Variants in ABCC9 observed in about 807,000 individuals in gnomAD.
The protein encoded by ABCC9 is ATP-binding cassette sub-family C member 9.
In ABCC9, 95 loss-of-function variants were observed where a neutral mutation model predicts 188.3. The observed-to-expected ratio is 0.50, with a 90% CI of 0.43 to 0.60. The LOEUF (loss-of-function observed/expected upper bound fraction) is 0.60. Among genes scored for constraint, ABCC9 ranks in the 20% least tolerant of loss-of-function variants. ABCC9 has a pLI of 0.00. For synonymous variants in ABCC9, 659 were observed against 652.7 expected (o/e 1.01, Z -0.15); for missense variants, 1,102 against 1,876.3 (o/e 0.59, Z 7.62).
rs1944536619 is a variant in ABCC9, at chr12:21,844,540, G to A, written c.3258C>T (p.Thr1086=). Residue 1086 remains threonine, a synonymous_variant, in exon 28 of 40, where the codon ACC becomes ACT. Transcript: ENST00000261200. ...IILGPIRFFD[T]TPLGLILNRF... ...GATTGAGAATCAGTCCCAGGGGTGT[G>A]GTATCAAAAAACCTAGGCAATAAAC... 2 of 1,613,358 alleles carry A rather than the reference G, an allele frequency of 1.2e-6. No individual in the cohort carries two copies. The highest frequency in any genetic ancestry group is 4.5e-5 in the East Asian group (2 of 44,856).
At chr12:21,932,291 A>G (rs12371738) in intron 4 of ABCC9, among the ~76,000 whole-genome samples, 44,002 of 151,864 alleles carry the variant, frequency 0.29, 8,004 homozygotes, top group Non-Finnish European at 0.39. Flanking sequence ...CTTTAAAAAT[A>G]TGGGTTTTTA....
rs190324732 is a variant in ABCC9, at chr12:21,850,324, C to T, written c.2769+1773G>A. ...TTGTACAAAAACTTCCCCAAGGTAT[C>T]GTAGTGGTCTTGTTCACAGTGTGAT... On this transcript the variant is annotated intron_variant, in intron 24 of 39. Transcript: ENST00000261200. 2.2e-3 allele frequency among the ~76,000 whole-genome samples: 338 copies of T among 152,090 alleles called. 2 individuals carry two copies. The highest frequency in any genetic ancestry group is 3.1e-3 in the South Asian group (15 of 4,814).
intron 18 of ABCC9, among the ~76,000 whole-genome samples, chr12:21,870,379 C>T (rs1466880337): frequency 6.6e-6 from 1 of 152,030 alleles, no homozygotes; most frequent in Middle Eastern, 3.2e-3. Flanking sequence ...GCCTCAGTCT[C>T]TCAAGTAACT....
intron 30 of ABCC9, among the ~76,000 whole-genome samples, chr12:21,830,144 C>A (rs1943674591): frequency 6.6e-6 from 1 of 152,090 alleles, no homozygotes; most frequent in African/African-American, 2.4e-5. Context: ...TTCTGTGTAA[C>A]CTATTTTATA....
Position 21,800,961 on chromosome 12 carries a change from CT to C in ABCC9, c.*82del, listed in dbSNP as rs1941398384. 5.2e-6 allele frequency: 8 copies of C among 1,543,100 alleles called. No individual in the cohort carries two copies. The East Asian group carries it at 1.8e-4, about 35-fold the overall frequency. Reference sequence around the variant, plus strand: ...AATCTGTAAAAGTTTTAAGATGCCACTTTACAGAGGTCAAGCTGATGATCCA... The same window carrying C: ...AATCTGTAAAAGTTTTAAGATGCCACTTACAGAGGTCAAGCTGATGATCCA... On this transcript the variant is annotated 3_prime_UTR_variant, in exon 40 of 40. Coordinates refer to ENST00000261200, the MANE Select transcript of ABCC9 (RefSeq NM_020297.4).
At position 21,844,750 on chromosome 12, in the gene ABCC9, A is replaced by T. The variant is rs773398154; in HGVS notation, c.3245+17T>A. ...TATTATTTTATGTGTGGGAGTGAGA[A>T]ATAACCACTGTTTTACCTTATTGGT... On this transcript the variant is annotated intron_variant, in intron 27 of 39. Coordinates refer to ENST00000261200, the MANE Select transcript of ABCC9 (RefSeq NM_020297.4). The T allele has an allele frequency of 6.2e-7, 1 of 1,613,724 alleles. No homozygotes were observed. Among genetic ancestry groups the T allele is most frequent in the Non-Finnish European group, 8.5e-7 (1 of 1,179,668 alleles).
intron 27 of ABCC9, 68 bp from the exon 28 acceptor site, chr12:21,844,620 G>T (rs1944545804): frequency 1.3e-6 from 2 of 1,548,282 alleles, no homozygotes. Context: ...TTGCTAATGG[G>T]CATCTTAGTG....
At chr12:21,883,635 G>A (rs1210100774) in intron 15 of ABCC9, among the ~76,000 whole-genome samples, 1 of 152,062 alleles carries the variant, frequency 6.6e-6, no homozygotes, top group Non-Finnish European at 1.5e-5. Flanking sequence ...TGAATCATGA[G>A]GATTTTTAAT....
At chr12:21,847,185 C>T (rs534691743) in intron 25 of ABCC9, among the ~76,000 whole-genome samples, 4 of 152,072 alleles carry the variant, frequency 2.6e-5, no homozygotes, top group Non-Finnish European at 4.4e-5. Flanking sequence ...CACAGCAAGC[C>T]AAGGGCACAG....
At position 21,799,367 on chromosome 12, in the gene ABCC9, A is replaced by G. The variant is rs1941327321; in HGVS notation, c.*1677T>C. The stretch of plus-strand genomic sequence containing the variant: ...GGCAATATGCATATTCTGCCCTACA[A>G]AATATTTAAACACCATTTTAGGAGA... On this transcript the variant is annotated 3_prime_UTR_variant, in exon 40 of 40. Transcript: ENST00000261200. 6.6e-6 allele frequency: 1 copy of G among 152,178 alleles called. No homozygotes were observed. The highest frequency in any genetic ancestry group is 6.5e-5 in the Admixed American group (1 of 15,278). The allele number at this position is 152,178 out of a possible 1,614,324, so 9.4% of individuals were successfully genotyped here. A position where few individuals can be genotyped will look rare whatever the true frequency, so the allele number is the denominator to read the frequency against.
chr12:21,863,846 TA>T (rs1332203165), intron 19 of ABCC9, among the ~76,000 whole-genome samples: 1 of 152,090 alleles, frequency 6.6e-6, no homozygotes, highest in Admixed American at 6.6e-5. Flanking sequence ...AGAGCAAGGT[TA>T]AAAAAGAGAG....
chr12:21,827,054 G>A (rs182160384), intron 31 of ABCC9: 626 of 942,452 alleles, frequency 6.6e-4, no homozygotes, highest in Admixed American at 1.7e-3. Flanking sequence ...TTTTGCAGGT[G>A]GAATTCAAGA....
intron 3 of ABCC9, among the ~76,000 whole-genome samples, chr12:21,936,312 A>G (rs1949484661): frequency 6.6e-6 from 1 of 152,152 alleles, no homozygotes; most frequent in Non-Finnish European, 1.5e-5. Flanking sequence ...TGCTGCTGCT[A>G]CCTGAAGGCC....
At chr12:21,820,516 A>ATG (rs1314011974) in intron 31 of ABCC9, among the ~76,000 whole-genome samples, 16 of 152,070 alleles carry the variant, frequency 1.1e-4, no homozygotes, top group Non-Finnish European at 1.5e-5. Context: ...ATATATATAT[A>ATG]TAAAACCTTA....
At chr12:21,812,264 G>T in intron 35 of ABCC9, 107 bp from the exon 36 acceptor site, 1 of 824,620 alleles carries the variant, frequency 1.2e-6, no homozygotes, top group Non-Finnish European at 2.0e-6. Flanking sequence ...AAATTCAGGA[G>T]ACCCACTTTT....
At chr12:21,809,515 G>GT (rs1455193949) in intron 37 of ABCC9, among the ~76,000 whole-genome samples, 1 of 152,136 alleles carries the variant, frequency 6.6e-6, no homozygotes, top group East Asian at 1.9e-4. Flanking sequence ...TTTCCTGATG[G>GT]TAGGTGATCA....
intron 37 of ABCC9, among the ~76,000 whole-genome samples, chr12:21,809,357 C>T (rs977046790): frequency 1.3e-5 from 2 of 152,220 alleles, no homozygotes; most frequent in Non-Finnish European, 2.9e-5. Context: ...AAAACAATGT[C>T]TTCAAACACA....
intron 29 of ABCC9, among the ~76,000 whole-genome samples, chr12:21,838,743 A>G (rs1944232159): frequency 6.6e-6 from 1 of 152,122 alleles, no homozygotes; most frequent in South Asian, 2.1e-4. Context: ...ACTAGAAATA[A>G]GGTAATCTGG....
At chr12:21,858,118 G>A (rs867669339) in intron 22 of ABCC9, among the ~76,000 whole-genome samples, 2 of 152,134 alleles carry the variant, frequency 1.3e-5, no homozygotes, top group Admixed American at 6.6e-5. Flanking sequence ...GTAGGTTGGA[G>A]TCACTAAATC....
Sources: gnomAD v4.1 joint callset for allele counts (sites outside exome capture counted in the v4.1 genomes callset) on GRCh38, gnomAD v4.1.1 for gene constraint, MANE v1.5 for transcripts, NCBI Gene and HGNC (gene_info 2026-07-23, HGNC 2026-07-21) for gene names.